Variants in DPYD observed in about 807,000 individuals in gnomAD.
DPYD encodes the protein dihydropyrimidine dehydrogenase.
DPYD carries 109 observed loss-of-function variants against 116.2 expected under a neutral mutation model. The observed-to-expected ratio is 0.94, with a 90% CI of 0.80 to 1.10. The LOEUF (loss-of-function observed/expected upper bound fraction) is 1.10. Among genes scored for constraint, DPYD ranks in the 50% least tolerant of loss-of-function variants. The pLI is 0.00. For synonymous variants in DPYD, 440 were observed against 432.0 expected (o/e 1.02, Z -0.23); for missense variants, 1,302 against 1,254.5 (o/e 1.04, Z -0.57).
chr1:97,737,789 G>A (rs1664043721), intron 4 of DPYD, among the ~76,000 whole-genome samples: 1 of 151,844 alleles, frequency 6.6e-6, no homozygotes, highest in Non-Finnish European at 1.5e-5. Context: ...ACACATACAT[G>A]CATACACACA....
chr1:97,123,156 A>G (rs1022554318), intron 20 of DPYD, among the ~76,000 whole-genome samples: 1 of 152,154 alleles, frequency 6.6e-6, no homozygotes, highest in Admixed American at 6.6e-5. Context: ...TAGGCTGAAA[A>G]TCCTAATGCT....
chr1:97,881,861 TG>T (rs995739090), intron 2 of DPYD, among the ~76,000 whole-genome samples: 12 of 151,122 alleles, frequency 7.9e-5, no homozygotes, highest in African/African-American at 2.9e-4. Flanking sequence ...GGGACTGTTG[TG>T]GGGTGGGGGG....
At chr1:97,752,074 T>G (rs769369978) in intron 3 of DPYD, among the ~76,000 whole-genome samples, 19 of 152,202 alleles carry the variant, frequency 1.2e-4, no homozygotes, top group Non-Finnish European at 2.2e-4. Context: ...AAAGATTTTT[T>G]TGTGTGTGTA....
At chr1:97,114,133 A>G (rs1330865528) in intron 20 of DPYD, among the ~76,000 whole-genome samples, 1 of 152,172 alleles carries the variant, frequency 6.6e-6, no homozygotes, top group African/African-American at 2.4e-5. Flanking sequence ...AAAGCAAAGA[A>G]TAAACCTTGT....
chr1:97,403,889 T>TA (rs1313204206), intron 14 of DPYD, among the ~76,000 whole-genome samples: 2 of 152,146 alleles, frequency 1.3e-5, no homozygotes, highest in African/African-American at 4.8e-5. Flanking sequence ...CTTAGGTCAT[T>TA]AATTTTAAAT....
intron 3 of DPYD, among the ~76,000 whole-genome samples, chr1:97,761,799 TAC>T (rs1397717875): frequency 6.6e-6 from 1 of 152,076 alleles, no homozygotes; most frequent in Non-Finnish European, 1.5e-5. Context: ...GTGTTATATA[TAC>T]ACACCATGGA....
At chr1:97,556,091 G>T (rs1336134980) in intron 11 of DPYD, among the ~76,000 whole-genome samples, 1 of 152,182 alleles carries the variant, frequency 6.6e-6, no homozygotes, top group Non-Finnish European at 1.5e-5. Flanking sequence ...GGCAGACAAA[G>T]AACAAAATTT....
chr1:97,420,776 T>C (rs1052048940), intron 14 of DPYD, among the ~76,000 whole-genome samples: 9 of 152,172 alleles, frequency 5.9e-5, no homozygotes, highest in Non-Finnish European at 1.2e-4. Context: ...CTGCTGGTAA[T>C]GCCAGTGCCT....
intron 16 of DPYD, among the ~76,000 whole-genome samples, chr1:97,344,669 GATCT>G (rs1323885136): frequency 6.6e-6 from 1 of 151,400 alleles, no homozygotes; most frequent in East Asian, 1.9e-4. Flanking sequence ...AAGACATAGA[GATCT>G]ATCTCACTGT....
intron 1 of DPYD, among the ~76,000 whole-genome samples, chr1:97,920,007 C>T (rs1420403666): frequency 6.6e-6 from 1 of 152,158 alleles, no homozygotes; most frequent in African/African-American, 2.4e-5. Flanking sequence ...AAAACACACA[C>T]ACACATAATT....
At chr1:97,816,955 C>A (rs1048012874) in intron 3 of DPYD, among the ~76,000 whole-genome samples, 1 of 152,126 alleles carries the variant, frequency 6.6e-6, no homozygotes, top group African/African-American at 2.4e-5. Flanking sequence ...ATCACAAATT[C>A]TTAATATATT....
At chr1:97,513,683 T>C (rs1015975152) in intron 13 of DPYD, among the ~76,000 whole-genome samples, 1 of 151,798 alleles carries the variant, frequency 6.6e-6, no homozygotes, top group Non-Finnish European at 1.5e-5. Flanking sequence ...TAGACGTCTT[T>C]AGTAAAAGGC....
At chr1:97,900,394 T>A (rs370790929) in intron 1 of DPYD, among the ~76,000 whole-genome samples, 1 of 151,884 alleles carries the variant, frequency 6.6e-6, no homozygotes, top group East Asian at 1.9e-4. Flanking sequence ...ATTCTGGTGG[T>A]CAACTAGGTA....
At chr1:97,122,487 G>T (rs1211385603) in intron 20 of DPYD, among the ~76,000 whole-genome samples, 1 of 152,116 alleles carries the variant, frequency 6.6e-6, no homozygotes, top group Non-Finnish European at 1.5e-5. Flanking sequence ...AGAATAAAGA[G>T]TCATACACTT....
At chr1:97,741,920 T>C (rs1485544178) in intron 3 of DPYD, among the ~76,000 whole-genome samples, 1 of 151,858 alleles carries the variant, frequency 6.6e-6, no homozygotes, top group Non-Finnish European at 1.5e-5. Flanking sequence ...GAGTGGACAT[T>C]AGGAAAGCAA....
chr1:97,260,708 T>G (rs954480035), intron 18 of DPYD, among the ~76,000 whole-genome samples: 3 of 152,120 alleles, frequency 2.0e-5, no homozygotes, highest in African/African-American at 7.2e-5. Flanking sequence ...GTGATTTTCA[T>G]TTTCCAAAGC....
intron 7 of DPYD, among the ~76,000 whole-genome samples, chr1:97,686,138 A>C (rs1214410489): frequency 6.6e-6 from 1 of 152,134 alleles, no homozygotes; most frequent in Non-Finnish European, 1.5e-5. Context: ...AAACACATAG[A>C]CCAATGGAAC....
intron 3 of DPYD, among the ~76,000 whole-genome samples, chr1:97,810,154 G>T (rs1668278167): frequency 6.6e-6 from 1 of 151,650 alleles, no homozygotes; most frequent in Non-Finnish European, 1.5e-5. Flanking sequence ...GGGTGTGGTG[G>T]CGGGCGCCTG....
At chr1:97,560,168 C>T (rs901218512) in intron 11 of DPYD, among the ~76,000 whole-genome samples, 80 of 152,092 alleles carry the variant, frequency 5.3e-4, no homozygotes, top group Admixed American at 8.5e-4. Context: ...AGAAAGAGTG[C>T]AAAAACAGGT....
Sources: allele counts gnomAD v4.1 joint callset (sites outside exome capture counted in the v4.1 genomes callset), GRCh38; gene constraint gnomAD v4.1.1; transcripts MANE v1.5; gene names NCBI Gene and HGNC (gene_info 2026-07-23, HGNC 2026-07-21).